Variants in PLPP1 observed in about 807,000 individuals in gnomAD.
The protein encoded by PLPP1 is lipid phosphate phosphohydrolase 1a.
A neutral mutation model predicts 31.2 loss-of-function variants in PLPP1; 24 were observed. The observed-to-expected ratio is 0.77, with a 90% confidence interval of 0.56 to 1.08. The LOEUF (loss-of-function observed/expected upper bound fraction) is 1.08, where lower values mean the gene tolerates loss of function less well. Among genes scored for constraint, PLPP1 ranks in the 50% least tolerant of loss-of-function variants. PLPP1 has a pLI of 0.00. For synonymous variants in PLPP1, 146 were observed against 126.3 expected, an observed-to-expected ratio of 1.16 and a Z score of -1.05; for missense variants, 319 against 342.7, an observed-to-expected ratio of 0.93 and a Z score of 0.55.
intron 1 of PLPP1, among the ~76,000 whole-genome samples, chr5:55,526,804 C>T (rs989871430): frequency 6.6e-6 from 1 of 151,780 alleles, no homozygotes; most frequent in Admixed American, 6.6e-5. Flanking sequence ...TGGTGGCGCA[C>T]ATATGTAGTC....
chr5:55,506,852 A>AT (rs967525774), intron 1 of PLPP1, among the ~76,000 whole-genome samples: 17 of 152,066 alleles, frequency 1.1e-4, no homozygotes, highest in Admixed American at 9.8e-4. Context: ...AGTAAATAAA[A>AT]TTTTTTTTGG....
intron 3 of PLPP1, among the ~76,000 whole-genome samples, chr5:55,447,115 A>C (rs1293528059): frequency 6.6e-6 from 1 of 152,250 alleles, no homozygotes. Context: ...TGTGTAACGT[A>C]TCATGTAGCA....
chr5:55,488,068 G>C (rs561937837), intron 1 of PLPP1, among the ~76,000 whole-genome samples: 56 of 151,426 alleles, frequency 3.7e-4, no homozygotes, highest in African/African-American at 1.4e-3. Context: ...ACAAGACTCC[G>C]TCTCATAACA....
At chr5:55,453,458 C>A (rs1455801335) in intron 3 of PLPP1, among the ~76,000 whole-genome samples, 1 of 152,120 alleles carries the variant, frequency 6.6e-6, no homozygotes. Flanking sequence ...TGGGCAGTGT[C>A]AAAGAACATT....
At chr5:55,462,996 A>C (rs1165043356) in intron 3 of PLPP1, among the ~76,000 whole-genome samples, 1 of 152,108 alleles carries the variant, frequency 6.6e-6, no homozygotes, top group East Asian at 1.9e-4. Flanking sequence ...AAAGAAAAAG[A>C]AAGCAGCCAT....
At chr5:55,462,861 T>C (rs1752195873) in intron 3 of PLPP1, among the ~76,000 whole-genome samples, 1 of 151,644 alleles carries the variant, frequency 6.6e-6, no homozygotes, top group African/African-American at 2.4e-5. Context: ...TAGATCCAGC[T>C]ACTCAAGAGG....
intron 1 of PLPP1, among the ~76,000 whole-genome samples, chr5:55,504,328 G>C (rs1224540355): frequency 1.4e-5 from 2 of 146,278 alleles, no homozygotes; most frequent in African/African-American, 5.1e-5. Flanking sequence ...GTGTCCTACT[G>C]CACTCCAGCC....
At chr5:55,455,192 C>T (rs1015904596) in intron 3 of PLPP1, among the ~76,000 whole-genome samples, 1 of 152,020 alleles carries the variant, frequency 6.6e-6, no homozygotes, top group African/African-American at 2.4e-5. Context: ...AAACACTGGG[C>T]CTGTGCTAAA....
Position 55,425,920 on chromosome 5 carries a change from G to A in PLPP1, c.669C>T (p.His223=), listed in dbSNP as rs1164554330. The change falls in exon 5 of 6, where the codon CAC becomes CAT. Residue 223 remains histidine, a synonymous_variant. Transcript: ENST00000307259. ...VGLSRVSDYK[H]HWSDVLTGLI... The stretch of plus-strand genomic sequence containing the variant: ...GTCCAGTCAACACATCGCTCCAGTG[G>A]TGTTTATAATCAGAAACTCGAGAAA... The A allele has an allele frequency of 1.2e-6, 2 of 1,613,838 alleles. No homozygotes were observed. Among genetic ancestry groups the A allele is most frequent in the Admixed American group, 1.7e-5 (1 of 59,942 alleles).
At position 55,475,304 on chromosome 5, in the gene PLPP1, T is replaced by C; in HGVS notation, c.205A>G (p.Ile69Val). ...GAAAAGTGGATTTAACTTACAACGA[T>C]AATACTGAATGGAATGATTATTCCA... ...LGGIIIPFSI[I>V]VIILGETLSV... The change falls in exon 2 of 6, where the codon ATC (isoleucine) becomes GTC (valine). Residue 69 changes from isoleucine (I) to valine (V), a missense_variant. Ile to Val is a conservative substitution (Grantham distance 29). Coordinates refer to ENST00000307259, the MANE Select transcript of PLPP1 (RefSeq NM_003711.4). The C allele has an allele frequency of 6.2e-7, 1 of 1,604,870 alleles. No homozygotes were observed. The highest frequency in any genetic ancestry group is 1.1e-5 in the South Asian group (1 of 88,098).
intron 1 of PLPP1, among the ~76,000 whole-genome samples, chr5:55,499,077 A>T (rs1753064161): frequency 6.6e-6 from 1 of 152,208 alleles, no homozygotes; most frequent in African/African-American, 2.4e-5. Flanking sequence ...AAGTAGAGGG[A>T]TAAGATTTCC....
At chr5:55,486,351 G>A (rs372524172) in intron 1 of PLPP1, among the ~76,000 whole-genome samples, 11 of 152,128 alleles carry the variant, frequency 7.2e-5, no homozygotes, top group African/African-American at 1.4e-4. Context: ...TTGGGAGGCC[G>A]AGGTGGGTGG....
intron 2 of PLPP1, among the ~76,000 whole-genome samples, chr5:55,469,590 C>G (rs968931531): frequency 6.6e-6 from 1 of 151,772 alleles, no homozygotes; most frequent in Non-Finnish European, 1.5e-5. Flanking sequence ...AATTAAGTAG[C>G]AAAGCTTGAC....
chr5:55,444,613 G>A (rs1046730325), intron 3 of PLPP1, among the ~76,000 whole-genome samples: 17 of 152,174 alleles, frequency 1.1e-4, no homozygotes, highest in Non-Finnish European at 1.5e-5. Context: ...AATTTACGGA[G>A]AGAAAAATGT....
chr5:55,487,357 G>A (rs1752796033), intron 1 of PLPP1, among the ~76,000 whole-genome samples: 1 of 150,820 alleles, frequency 6.6e-6, no homozygotes, highest in Admixed American at 6.6e-5. Flanking sequence ...CAAGGGAGAA[G>A]GTAGAACTAC....
At chr5:55,534,456 C>A in intron 1 of PLPP1, 116 bp downstream of exon 1, 1 of 1,093,636 alleles carries the variant, frequency 9.1e-7, no homozygotes, top group South Asian at 1.9e-5. Flanking sequence ...CCCCGTGTGT[C>A]GCCCCACAGC....
chr5:55,490,876 T>C, intron 1 of PLPP1: 1 of 1,425,404 alleles, frequency 7.0e-7, no homozygotes, highest in Non-Finnish European at 9.6e-7. Flanking sequence ...GACAGTACTG[T>C]GGATTTACCC....
intron 4 of PLPP1, among the ~76,000 whole-genome samples, chr5:55,426,454 C>T (rs887736340): frequency 6.6e-6 from 1 of 152,044 alleles, no homozygotes; most frequent in African/African-American, 2.4e-5. Context: ...GACTGGAGTG[C>T]AGTGGTGGTG....
intron 1 of PLPP1, among the ~76,000 whole-genome samples, chr5:55,534,191 G>A (rs1261907439): frequency 6.6e-6 from 1 of 152,166 alleles, no homozygotes; most frequent in Non-Finnish European, 1.5e-5. Flanking sequence ...AGAATCCCCT[G>A]TGCATCAAAC....
Sources: allele counts gnomAD v4.1 joint callset (sites outside exome capture counted in the v4.1 genomes callset), GRCh38; gene constraint gnomAD v4.1.1; transcripts MANE v1.5; gene names NCBI Gene and HGNC (gene_info 2026-07-23, HGNC 2026-07-21).